Variants in MTA3 observed in about 807,000 individuals in gnomAD.
MTA3 encodes the protein metastasis-associated protein MTA3.
In MTA3, 34 loss-of-function variants were observed where a neutral mutation model predicts 83.5. The observed-to-expected ratio is 0.41, with a 90% CI of 0.31 to 0.54. The LOEUF is 0.54. Among genes scored for constraint, MTA3 ranks in the 20% least tolerant of loss-of-function variants. The probability of loss-of-function intolerance (pLI) is 0.33; values close to 1 mark genes in which losing one functional copy is unlikely to be tolerated. For missense variants in MTA3, 761 were observed against 726.4 expected (o/e 1.05, Z -0.55); for synonymous variants, 303 against 252.7 (o/e 1.20, Z -1.89).
At position 42,667,127 on chromosome 2, in the gene MTA3, T is replaced by G. The variant is rs188995690; in HGVS notation, c.702+7265T>G. Among the ~76,000 whole-genome samples, 14 of 152,230 alleles carry G rather than the reference T, an allele frequency of 9.2e-5. No homozygotes were observed. The East Asian group carries it at 1.9e-3, about 21-fold the overall frequency. On this transcript the variant is annotated intron_variant, in intron 8 of 16. Coordinates refer to ENST00000405094, the MANE Select transcript of MTA3 (RefSeq NM_001330442.2). The stretch of plus-strand genomic sequence containing the variant: ...TCATGCTGTGTTGCCCAGGCCAGAT[T>G]TGAACTTCTGGGATCAAGCAATCCT...
chr2:42,537,172 C>G (rs1287190817), intron 2 of MTA3, among the ~76,000 whole-genome samples: 1 of 152,202 alleles, frequency 6.6e-6, no homozygotes, highest in African/African-American at 2.4e-5. Flanking sequence ...AGACACACCT[C>G]TGTCGTGTTC....
chr2:42,553,898 C>CGAAA (rs1056813029), intron 2 of MTA3, among the ~76,000 whole-genome samples: 3 of 96,728 alleles, frequency 3.1e-5, no homozygotes, highest in Non-Finnish European at 6.2e-5. Context: ...GAAAAAAAAA[C>CGAAA]GAAAGAAAGA....
At chr2:42,592,477 G>C (rs529224017) in intron 3 of MTA3, among the ~76,000 whole-genome samples, 1 of 152,080 alleles carries the variant, frequency 6.6e-6, no homozygotes, top group Non-Finnish European at 1.5e-5. Flanking sequence ...CCAGCTACTC[G>C]GGAGGTTTAG....
intron 2 of MTA3, among the ~76,000 whole-genome samples, chr2:42,552,982 A>C (rs1248401986): frequency 6.6e-6 from 1 of 151,518 alleles, no homozygotes; most frequent in Non-Finnish European, 1.5e-5. Context: ...AATCAAAGAA[A>C]GTTCTACTCC....
chr2:42,611,340 C>CA (rs57433230), intron 4 of MTA3, among the ~76,000 whole-genome samples: 114,238 of 150,746 alleles, frequency 0.76, 43,776 homozygotes, highest in Middle Eastern at 0.88. Context: ...CACACACACA[C>CA]CCCCTCACAC....
chr2:42,645,409 C>A (rs951756383), intron 6 of MTA3, among the ~76,000 whole-genome samples: 1 of 152,048 alleles, frequency 6.6e-6, no homozygotes, highest in African/African-American at 2.4e-5. Flanking sequence ...CCTGTATTCC[C>A]AACTACTCGG....
At chr2:42,601,394 A>G (rs1409728971) in intron 3 of MTA3, among the ~76,000 whole-genome samples, 2 of 152,164 alleles carry the variant, frequency 1.3e-5, no homozygotes, top group Non-Finnish European at 2.9e-5. Flanking sequence ...ATACGCTATG[A>G]ACTATTAAGT....
intron 2 of MTA3, among the ~76,000 whole-genome samples, chr2:42,500,834 G>A (rs1305746660): frequency 3.5e-5 from 5 of 143,396 alleles, no homozygotes; most frequent in Non-Finnish European, 6.0e-5. Flanking sequence ...TTTTTGAGAC[G>A]GAGTCTCACA....
intron 3 of MTA3, among the ~76,000 whole-genome samples, chr2:42,590,889 C>T (rs1163233604): frequency 1.3e-5 from 2 of 152,080 alleles, no homozygotes; most frequent in East Asian, 3.8e-4. Flanking sequence ...TTTTTTAAAA[C>T]TGTGTTCCAG....
At chr2:42,686,781 C>T (rs1215449419) in intron 9 of MTA3, among the ~76,000 whole-genome samples, 1 of 151,860 alleles carries the variant, frequency 6.6e-6, no homozygotes, top group African/African-American at 2.4e-5. Context: ...GAGCTGAGAT[C>T]ACGCCACTGC....
At chr2:42,672,249 G>C (rs559404521) in intron 8 of MTA3, among the ~76,000 whole-genome samples, 36 of 151,940 alleles carry the variant, frequency 2.4e-4, no homozygotes, top group Admixed American at 5.2e-4. Flanking sequence ...GTAATCACAG[G>C]TACATGGGAG....
intron 6 of MTA3, among the ~76,000 whole-genome samples, chr2:42,652,461 C>G (rs945445689): frequency 2.0e-5 from 3 of 152,212 alleles, no homozygotes; most frequent in Non-Finnish European, 2.9e-5. Context: ...TGGAAATATA[C>G]CGAAGAAGTA....
chr2:42,755,675 T>C lies in MTA3; in HGVS notation c.*2276T>C. The C allele has an allele frequency of 1.0e-6, 1 of 985,528 alleles. No homozygotes were observed. The allele number at this position is 985,528 out of a possible 1,614,324, so 61.0% of individuals were successfully genotyped here. On this transcript the variant is annotated 3_prime_UTR_variant, in exon 17 of 17. Coordinates refer to ENST00000405094, the MANE Select transcript of MTA3 (RefSeq NM_001330442.2). ...CCGAGGCGCCTCTAGTCTGTGCCTT[T>C]GCCGTTGGAAGCATTTGGTGCTGAG...
intron 6 of MTA3, among the ~76,000 whole-genome samples, chr2:42,648,730 A>T (rs751894041): frequency 1.3e-5 from 2 of 152,226 alleles, no homozygotes; most frequent in Non-Finnish European, 2.9e-5. Flanking sequence ...AATTTTCCAT[A>T]AAAGAGAAGT....
intron 16 of MTA3, among the ~76,000 whole-genome samples, chr2:42,733,093 G>A (rs1053709151): frequency 2.0e-5 from 3 of 152,116 alleles, no homozygotes; most frequent in Non-Finnish European, 4.4e-5. Context: ...CCACATTTTC[G>A]GGTATCTTTT....
intron 2 of MTA3, among the ~76,000 whole-genome samples, chr2:42,507,793 C>T (rs1397449683): frequency 6.6e-6 from 1 of 151,472 alleles, no homozygotes; most frequent in Non-Finnish European, 1.5e-5. Context: ...TAGCCAAGCA[C>T]GGGGGCGCAC....
chr2:42,506,080 T>G (rs1674615915), intron 2 of MTA3, among the ~76,000 whole-genome samples: 1 of 152,032 alleles, frequency 6.6e-6, no homozygotes, highest in Non-Finnish European at 1.5e-5. Context: ...AAATTGATAA[T>G]TATTGAAGCT....
intron 2 of MTA3, among the ~76,000 whole-genome samples, chr2:42,523,200 G>A (rs1419020978): frequency 2.0e-5 from 3 of 152,104 alleles, no homozygotes; most frequent in African/African-American, 7.2e-5. Flanking sequence ...CTGAATGTCA[G>A]TTGACTTCCC....
Position 42,506,310 on chromosome 2 carries a change from A to G in MTA3, c.-141+11056A>G, listed in dbSNP as rs537532868. 2.6e-5 allele frequency among the ~76,000 whole-genome samples: 4 copies of G among 152,078 alleles called. No homozygotes were observed. In the East Asian group the frequency reaches 7.8e-4, roughly 30 times the overall value. On this transcript the variant is annotated intron_variant, in intron 2 of 17. Transcript: ENST00000405592. ...AAATAATTTTTTAGAAATTATCTGCATGTGGTGGTACTCTATGCCTGTGAT... is the reference window on the plus strand; with the variant it reads ...AAATAATTTTTTAGAAATTATCTGCGTGTGGTGGTACTCTATGCCTGTGAT...
Sources: gnomAD v4.1 joint callset for allele counts (sites outside exome capture counted in the v4.1 genomes callset) on GRCh38, gnomAD v4.1.1 for gene constraint, MANE v1.5 for transcripts, NCBI Gene and HGNC (gene_info 2026-07-23, HGNC 2026-07-21) for gene names.